The following PPM1E variants were observed in gnomAD, a reference collection of about 807,000 sequenced individuals.
PPM1E encodes the protein protein phosphatase 1E.
Under a neutral mutation model 65.9 loss-of-function variants are expected in PPM1E, and 20 were observed. That is an observed-to-expected ratio of 0.30 (90% CI 0.21 to 0.44). PPM1E has a LOEUF of 0.44. Among genes scored for constraint, PPM1E ranks in the 20% least tolerant of loss-of-function variants. The pLI, the probability that PPM1E is intolerant of heterozygous loss-of-function variation, is 1.00. For synonymous variants in PPM1E, 352 were observed against 374.9 expected (o/e 0.94, Z 0.70); for missense variants, 713 against 953.1 (o/e 0.75, Z 3.32).
intron 4 of PPM1E, 30 bp from the exon 5 acceptor site, chr17:58,972,102 T>G: frequency 6.3e-7 from 1 of 1,587,922 alleles, no homozygotes; most frequent in South Asian, 1.1e-5. Context: ...TTCTTTTCAC[T>G]GAGTCTAGTT....
intron 6 of PPM1E, among the ~76,000 whole-genome samples, chr17:58,973,803 T>G (rs1016896641): frequency 1.3e-5 from 2 of 151,854 alleles, no homozygotes; most frequent in Non-Finnish European, 2.9e-5. Flanking sequence ...ATATAAAAAA[T>G]TAGCTGGGTG....
At chr17:58,963,908 T>C (rs2030127806) in intron 2 of PPM1E, among the ~76,000 whole-genome samples, 3 of 151,400 alleles carry the variant, frequency 2.0e-5, no homozygotes, top group Non-Finnish European at 4.4e-5. Context: ...AAAATAAAAA[T>C]AAAGAAGACA....
intron 1 of PPM1E, among the ~76,000 whole-genome samples, chr17:58,830,191 A>C (rs748491717): frequency 9.2e-5 from 14 of 152,166 alleles, no homozygotes; most frequent in Non-Finnish European, 1.9e-4. Context: ...AAAACAAAAA[A>C]CAAAACGAAC....
chr17:58,894,878 T>C (rs2051393848), intron 1 of PPM1E, among the ~76,000 whole-genome samples: 1 of 152,210 alleles, frequency 6.6e-6, no homozygotes, highest in Non-Finnish European at 1.5e-5. Context: ...AGTAAAACAT[T>C]GTTTGATAAT....
intron 1 of PPM1E, among the ~76,000 whole-genome samples, chr17:58,806,340 G>C (rs1437528592): frequency 6.6e-6 from 1 of 151,860 alleles, no homozygotes; most frequent in African/African-American, 2.4e-5. Context: ...AGCTATGTGG[G>C]AAAGGGATGG....
chr17:58,836,530 T>C (rs1201698818), intron 1 of PPM1E, among the ~76,000 whole-genome samples: 1 of 150,688 alleles, frequency 6.6e-6, no homozygotes, highest in Non-Finnish European at 1.5e-5. Flanking sequence ...AGTGGTGCAA[T>C]CTTGGCTCAC....
At chr17:58,976,603 G>A (rs2031009954) in intron 6 of PPM1E, among the ~76,000 whole-genome samples, 1 of 152,194 alleles carries the variant, frequency 6.6e-6, no homozygotes, top group Non-Finnish European at 1.5e-5. Context: ...GGCATGATAT[G>A]TTTCCTAACA....
chr17:58,837,838 A>G (rs766943680), intron 1 of PPM1E, among the ~76,000 whole-genome samples: 53 of 152,190 alleles, frequency 3.5e-4, no homozygotes, highest in Non-Finnish European at 6.8e-4. Flanking sequence ...GCATTTGCTA[A>G]TTTAGACAAT....
chr17:58,844,898 A>T (rs2050756085), intron 1 of PPM1E, among the ~76,000 whole-genome samples: 1 of 152,232 alleles, frequency 6.6e-6, no homozygotes, highest in African/African-American at 2.4e-5. Flanking sequence ...GACTAAAGAG[A>T]CATAGAGACC....
At chr17:58,786,483 T>A (rs935361796) in intron 1 of PPM1E, among the ~76,000 whole-genome samples, 7 of 152,202 alleles carry the variant, frequency 4.6e-5, no homozygotes, top group South Asian at 4.1e-4. Context: ...GCCTGGCTGC[T>A]AAATTACTAA....
At chr17:58,947,082 T>C (rs2052161845) in intron 1 of PPM1E, among the ~76,000 whole-genome samples, 1 of 151,048 alleles carries the variant, frequency 6.6e-6, no homozygotes, top group African/African-American at 2.4e-5. Flanking sequence ...ACCATTTTGT[T>C]AAACAGAAAG....
chr17:58,777,815 A>G (rs1339607024), intron 1 of PPM1E, among the ~76,000 whole-genome samples: 1 of 152,228 alleles, frequency 6.6e-6, no homozygotes, highest in Non-Finnish European at 1.5e-5. Context: ...TATCCTCAGT[A>G]CCTAGGATAC....
At chr17:58,806,874 TTTTTGTA>T (rs1469464288) in intron 1 of PPM1E, among the ~76,000 whole-genome samples, 2 of 151,254 alleles carry the variant, frequency 1.3e-5, no homozygotes, top group Non-Finnish European at 2.9e-5. Flanking sequence ...TGTGTTTTTT[TTTTTGTA>T]TTTTTAGTAG....
intron 1 of PPM1E, among the ~76,000 whole-genome samples, chr17:58,929,822 C>G (rs551973333): frequency 3.3e-5 from 5 of 152,082 alleles, no homozygotes; most frequent in African/African-American, 4.8e-5. Flanking sequence ...TAAGTTTTCA[C>G]AGAACCAATA....
intron 2 of PPM1E, among the ~76,000 whole-genome samples, chr17:58,960,921 A>AT (rs1340859242): frequency 6.6e-6 from 1 of 151,866 alleles, no homozygotes; most frequent in Non-Finnish European, 1.5e-5. Context: ...AAACAATATA[A>AT]TTTTTTCCTG....
intron 1 of PPM1E, among the ~76,000 whole-genome samples, chr17:58,849,365 G>T (rs2050803005): frequency 6.6e-6 from 1 of 152,066 alleles, no homozygotes; most frequent in Admixed American, 6.6e-5. Flanking sequence ...TGTGATGTTA[G>T]GGTGTCAATT....
chr17:58,827,521 T>G (rs1598596171), intron 1 of PPM1E, among the ~76,000 whole-genome samples: 2 of 152,182 alleles, frequency 1.3e-5, no homozygotes, highest in Admixed American at 1.3e-4. Context: ...GGTTATAATC[T>G]TTTAAGCCAT....
intron 1 of PPM1E, among the ~76,000 whole-genome samples, chr17:58,803,297 A>C (rs566849119): frequency 6.6e-5 from 10 of 152,176 alleles, no homozygotes; most frequent in African/African-American, 2.4e-4. Context: ...ATGATGTTAA[A>C]TTTTGTTGAG....
chr17:58,776,241 C>A (rs981881331), intron 1 of PPM1E, among the ~76,000 whole-genome samples: 1 of 151,828 alleles, frequency 6.6e-6, no homozygotes, highest in Non-Finnish European at 1.5e-5. Flanking sequence ...ATAGGAGGAT[C>A]CCTTGAGCCC....
Sources: allele counts gnomAD v4.1 joint callset (sites outside exome capture counted in the v4.1 genomes callset), GRCh38; gene constraint gnomAD v4.1.1; transcripts MANE v1.5; gene names NCBI Gene and HGNC (gene_info 2026-07-23, HGNC 2026-07-21).